The following MTM1 variants were observed in gnomAD, a reference collection of about 807,000 sequenced individuals.
MTM1 encodes the protein myotubularin.
Under a neutral mutation model 52.1 loss-of-function variants are expected in MTM1, and 9 were observed. The ratio of observed to expected loss-of-function variants is 0.17; its 90% CI spans 0.10 to 0.30. The LOEUF is 0.30. MTM1 is among the 10% of genes least tolerant of loss of function. The pLI, the probability that MTM1 is intolerant of heterozygous loss-of-function variation, is 1.00. For missense variants in MTM1, 277 were observed against 470.7 expected, an observed-to-expected ratio of 0.59 and a Z score of 3.81; for synonymous variants, 136 against 163.8, an observed-to-expected ratio of 0.83 and a Z score of 1.29.
chrX:150,594,313 T>A (rs2038939002), intron 2 of MTM1, among the ~76,000 whole-genome samples: 1 of 110,486 alleles, frequency 9.1e-6, no homozygotes, highest in Admixed American at 9.6e-5. Flanking sequence ...TTTCACCATG[T>A]TGGCCATGCT....
At chrX:150,639,878 G>A (rs1288337218) in intron 7 of MTM1, among the ~76,000 whole-genome samples, 4 of 112,578 alleles carry the variant, frequency 3.6e-5, no homozygotes, top group Admixed American at 2.8e-4. Flanking sequence ...CTAGACTTGA[G>A]AAGAACCATC....
At chrX:150,606,325 T>C (rs901212456) in intron 4 of MTM1, among the ~76,000 whole-genome samples, 1 of 112,204 alleles carries the variant, frequency 8.9e-6, no homozygotes, top group Admixed American at 9.4e-5. Context: ...TTGGTTCCTT[T>C]GTCCCTTGTC....
chrX:150,596,688 T>C (rs2038982439), intron 3 of MTM1, 118 bp downstream of exon 3: 1 of 552,902 alleles, frequency 1.8e-6, no homozygotes, highest in African/African-American at 2.2e-5. Flanking sequence ...TACCTTTGTT[T>C]AGAAGCGTTA....
chrX:150,621,233 A>G (rs1214322327), intron 6 of MTM1, among the ~76,000 whole-genome samples: 4 of 109,183 alleles, frequency 3.7e-5, no homozygotes, highest in Non-Finnish European at 7.6e-5. Flanking sequence ...GAGGATCCCC[A>G]GTTGTTTAGG....
In MTM1 at chrX:150,663,411, TTCTC is replaced by T. The variant is rs782150693; in HGVS notation, c.1468-16_1468-13del. 25 of 1,207,651 alleles carry T rather than the reference TTCTC, an allele frequency of 2.1e-5. No homozygotes were observed. Among genetic ancestry groups the T allele is most frequent in the East Asian group, 1.5e-4 (5 of 33,765 alleles). The stretch of plus-strand genomic sequence containing the variant: ...TGTGTTTTTACTTAGGCTCTCCACT[TTCTC>T]TCTCTGTCTCTCTGTAGAAGGTTAC... On this transcript the variant is annotated intron_variant, in intron 13 of 14. Transcript: ENST00000370396.
chrX:150,599,937 A>ATT (rs1243203253), intron 4 of MTM1, among the ~76,000 whole-genome samples: 1 of 112,443 alleles, frequency 8.9e-6, no homozygotes, highest in Admixed American at 9.4e-5. Flanking sequence ...ACAAATAATC[A>ATT]TTTTAAACAT....
chrX:150,668,383 T>C (rs1230209076), intron 14 of MTM1, among the ~76,000 whole-genome samples: 1 of 111,417 alleles, frequency 9.0e-6, no homozygotes. Context: ...ACCATTCTCC[T>C]GAACATTAAA....
chrX:150,578,852 G>A (rs1163547505), intron 1 of MTM1, among the ~76,000 whole-genome samples: 1 of 105,801 alleles, frequency 9.5e-6, no homozygotes, highest in Non-Finnish European at 1.9e-5. Context: ...TTTCAAGATT[G>A]TTTTGAATAT....
intron 6 of MTM1, among the ~76,000 whole-genome samples, chrX:150,622,454 G>A (rs979794476): frequency 4.5e-5 from 5 of 111,872 alleles, no homozygotes; most frequent in Non-Finnish European, 7.5e-5. Context: ...GGATGCAGTG[G>A]GGGCAGTCAA....
At chrX:150,617,027 C>G (rs782147095) in intron 5 of MTM1, among the ~76,000 whole-genome samples, 1 of 112,257 alleles carries the variant, frequency 8.9e-6, no homozygotes, top group East Asian at 2.8e-4. Flanking sequence ...AGTCTGTGCT[C>G]CTATTTCTGT....
At chrX:150,644,610 G>A (rs1166143413) in intron 8 of MTM1, among the ~76,000 whole-genome samples, 1 of 111,625 alleles carries the variant, frequency 9.0e-6, no homozygotes, top group Non-Finnish European at 1.9e-5. Flanking sequence ...ACATGATTAA[G>A]CTTCTTTCGT....
At chrX:150,583,087 TTATA>T (rs1164777663) in intron 1 of MTM1, among the ~76,000 whole-genome samples, 2 of 85,628 alleles carry the variant, frequency 2.3e-5, no homozygotes, top group African/African-American at 8.9e-5. Flanking sequence ...ATATATTAAA[TTATA>T]TATATTTATA....
At chrX:150,610,823 G>T (rs2039262444) in intron 4 of MTM1, among the ~76,000 whole-genome samples, 1 of 111,947 alleles carries the variant, frequency 8.9e-6, no homozygotes. Context: ...CAAGGTGTTA[G>T]CTCACTTTTA....
At chrX:150,613,153 G>T (rs1288654572) in intron 4 of MTM1, among the ~76,000 whole-genome samples, 1 of 108,341 alleles carries the variant, frequency 9.2e-6, no homozygotes, top group Non-Finnish European at 1.9e-5. Flanking sequence ...AAAAAAAAAG[G>T]GGGGAAAGAA....
Position 150,619,046 on chromosome X carries a change from A to G in MTM1, c.351A>G (p.Arg117=). ...TTCTCCTTTGCCCCCAGGACATGAGAAACCTGAGGTTCGCTTTGAAACAGG... is the reference window on the plus strand; with the variant it reads ...TTCTCCTTTGCCCCCAGGACATGAGGAACCTGAGGTTCGCTTTGAAACAGG... ...YGLDITCKDM[R]NLRFALKQEG... is the part of the protein sequence containing the mutation. The change falls in exon 6 of 15, where the codon AGA becomes AGG. Residue 117 remains arginine (R), a synonymous_variant. Coordinates refer to ENST00000370396, the MANE Select transcript of MTM1 (RefSeq NM_000252.3). The G allele has an allele frequency of 8.3e-7, 1 of 1,205,970 alleles. No homozygotes were observed. The highest frequency in any genetic ancestry group is 1.1e-6 in the Non-Finnish European group (1 of 890,253).
intron 7 of MTM1, 102 bp downstream of exon 7, chrX:150,639,128 C>G: frequency 1.5e-6 from 1 of 674,545 alleles, no homozygotes. Context: ...GACATCCTTG[C>G]TAAATATCTT....
chrX:150,668,982 A>T (rs112962468), intron 14 of MTM1, among the ~76,000 whole-genome samples: 2,539 of 110,234 alleles, frequency 0.023, 66 homozygotes, highest in African/African-American at 0.078. Flanking sequence ...TACGTGTGCC[A>T]TAGTGGTTTG....
Position 150,663,415 on chromosome X carries a change from C to A in MTM1, c.1468-18C>A, listed in dbSNP as rs1557414789. ...TTTTTACTTAGGCTCTCCACTTTCT[C>A]TCTCTGTCTCTCTGTAGAAGGTTAC... On this transcript the variant is annotated intron_variant, in intron 13 of 14. Coordinates refer to ENST00000370396, the MANE Select transcript of MTM1 (RefSeq NM_000252.3). The A allele has an allele frequency of 8.3e-7, 1 of 1,207,403 alleles. No homozygotes were observed. The highest frequency in any genetic ancestry group is 1.1e-6 in the Non-Finnish European group (1 of 893,400).
At chrX:150,569,282 A>G (rs1254962729) in intron 1 of MTM1, among the ~76,000 whole-genome samples, 1 of 113,723 alleles carries the variant, frequency 8.8e-6, no homozygotes, top group Middle Eastern at 4.6e-3. Context: ...AAGTATGTAC[A>G]GGCACGAGCA....
Sources: gnomAD v4.1 joint callset for allele counts (sites outside exome capture counted in the v4.1 genomes callset) on GRCh38, gnomAD v4.1.1 for gene constraint, MANE v1.5 for transcripts, NCBI Gene and HGNC (gene_info 2026-07-23, HGNC 2026-07-21) for gene names.